The following NALF1 variants were observed in gnomAD, a reference collection of about 807,000 sequenced individuals.
NALF1 encodes family with sequence similarity 155 member A.
In NALF1, 3 loss-of-function variants were observed where a neutral mutation model predicts 48.4. That is an observed-to-expected ratio of 0.06 (90% CI 0.03 to 0.16). The LOEUF (loss-of-function observed/expected upper bound fraction) is 0.16, where lower values mean the gene tolerates loss of function less well. Ranked by LOEUF, NALF1 falls within the 10% of genes least tolerant of loss-of-function variation. The probability of loss-of-function intolerance (pLI) is 1.00; values close to 1 mark genes in which losing one functional copy is unlikely to be tolerated. For missense variants in NALF1, 526 were observed against 571.5 expected (o/e 0.92, Z 0.81); for synonymous variants, 262 against 245.7 (o/e 1.07, Z -0.62).
chr13:107,737,369 A>G (rs76000628), intron 1 of NALF1, among the ~76,000 whole-genome samples: 5 of 152,166 alleles, frequency 3.3e-5, no homozygotes, highest in African/African-American at 4.8e-5. Context: ...TAACATTCCA[A>G]TGTGATGTGG....
At chr13:107,383,620 G>T (rs567174107) in intron 1 of NALF1, among the ~76,000 whole-genome samples, 1 of 152,266 alleles carries the variant, frequency 6.6e-6, no homozygotes, top group African/African-American at 2.4e-5. Context: ...TTCTTGGGAA[G>T]TAATTGATGT....
intron 1 of NALF1, among the ~76,000 whole-genome samples, chr13:107,401,386 C>T (rs1027615236): frequency 6.6e-6 from 1 of 152,104 alleles, no homozygotes; most frequent in Non-Finnish European, 1.5e-5. Flanking sequence ...TCTGATTTGG[C>T]CAACGTGGAA....
chr13:107,258,931 G>T (rs1395453983), intron 1 of NALF1, among the ~76,000 whole-genome samples: 3 of 152,134 alleles, frequency 2.0e-5, no homozygotes, highest in African/African-American at 7.2e-5. Context: ...AGGATGTGTG[G>T]CTCCCTATGA....
rs141088236 is a variant in NALF1, at chr13:107,454,942, G to T, written c.916-244187C>A. ...TAAGTATGAAAATGAAAATGTTTCT[G>T]AAGAATTGATATGGTTCGACTTTGT... On this transcript the variant is annotated intron_variant, in intron 1 of 2. Transcript: ENST00000375915. Among the ~76,000 whole-genome samples, 639 of 152,202 alleles carry T rather than the reference G, an allele frequency of 4.2e-3. 3 individuals carry two copies. Among genetic ancestry groups the T allele is most frequent in the African/African-American group, 0.015 (612 of 41,528 alleles).
chr13:107,186,434 C>T (rs557021268), intron 2 of NALF1, among the ~76,000 whole-genome samples: 1 of 152,144 alleles, frequency 6.6e-6, no homozygotes, highest in South Asian at 2.1e-4. Context: ...GTGGCATGAT[C>T]GCGGCTCACG....
At chr13:107,468,720 G>T (rs967492284) in intron 1 of NALF1, among the ~76,000 whole-genome samples, 17 of 152,200 alleles carry the variant, frequency 1.1e-4, no homozygotes, top group Non-Finnish European at 8.8e-5. Flanking sequence ...GAGTAAGAGA[G>T]GAATCGAATA....
At chr13:107,357,882 T>G (rs1882990457) in intron 1 of NALF1, among the ~76,000 whole-genome samples, 1 of 152,326 alleles carries the variant, frequency 6.6e-6, no homozygotes, top group African/African-American at 2.4e-5. Context: ...CAGGGCTCAC[T>G]GATAATTCAG....
intron 1 of NALF1, among the ~76,000 whole-genome samples, chr13:107,315,109 C>T (rs1882120788): frequency 6.6e-6 from 1 of 152,050 alleles, no homozygotes; most frequent in African/African-American, 2.4e-5. Flanking sequence ...AAAAATATGA[C>T]CTTTTCCCTC....
chr13:107,702,752 T>G (rs1290104570), intron 1 of NALF1, among the ~76,000 whole-genome samples: 2 of 152,162 alleles, frequency 1.3e-5, no homozygotes. Flanking sequence ...TGTGTCCCTG[T>G]GTTCTCATCA....
chr13:107,533,228 T>A (rs997670720), intron 1 of NALF1, among the ~76,000 whole-genome samples: 4 of 152,156 alleles, frequency 2.6e-5, no homozygotes, highest in Non-Finnish European at 5.9e-5. Context: ...TATAGAAATT[T>A]ACACATTTGA....
chr13:107,545,945 A>G (rs1377276368), intron 1 of NALF1, among the ~76,000 whole-genome samples: 1 of 152,090 alleles, frequency 6.6e-6, no homozygotes, highest in Admixed American at 6.5e-5. Context: ...ATCTTAAATG[A>G]TGTTGCATTT....
At chr13:107,201,358 C>T (rs1409871474) in intron 2 of NALF1, among the ~76,000 whole-genome samples, 6 of 152,168 alleles carry the variant, frequency 3.9e-5, no homozygotes, top group East Asian at 1.9e-4. Context: ...GGGCAGATCA[C>T]GAGGTCAGGA....
chr13:107,203,671 T>G (rs1399317813), intron 2 of NALF1, among the ~76,000 whole-genome samples: 2 of 152,136 alleles, frequency 1.3e-5, no homozygotes, highest in African/African-American at 4.8e-5. Context: ...CCTCAGTGGT[T>G]CCCTGGGGCA....
At chr13:107,672,847 C>T (rs1043789935) in intron 1 of NALF1, among the ~76,000 whole-genome samples, 1 of 152,080 alleles carries the variant, frequency 6.6e-6, no homozygotes, top group African/African-American at 2.4e-5. Context: ...TTGTTGTCCC[C>T]AACACGATGC....
intron 1 of NALF1, among the ~76,000 whole-genome samples, chr13:107,770,004 C>T (rs1594255105): frequency 6.6e-6 from 1 of 152,206 alleles, no homozygotes; most frequent in Non-Finnish European, 1.5e-5. Flanking sequence ...GCTCTGTCCC[C>T]TGGGTTCACA....
At chr13:107,674,356 T>G (rs1478443895) in intron 1 of NALF1, among the ~76,000 whole-genome samples, 1 of 152,164 alleles carries the variant, frequency 6.6e-6, no homozygotes, top group Admixed American at 6.5e-5. Context: ...CACTCCAGCC[T>G]CTTTTCCATT....
At chr13:107,249,640 A>G (rs202069637) in intron 1 of NALF1, among the ~76,000 whole-genome samples, 1 of 116,810 alleles carries the variant, frequency 8.6e-6, no homozygotes, top group Non-Finnish European at 1.8e-5. Flanking sequence ...CTATTTCACT[A>G]TGTCATTTTC....
chr13:107,776,418 T>C (rs1042406966), intron 1 of NALF1, among the ~76,000 whole-genome samples: 1 of 152,160 alleles, frequency 6.6e-6, no homozygotes, highest in African/African-American at 2.4e-5. Context: ...TTCTGGCATA[T>C]GGGAAGCTTT....
At chr13:107,232,275 T>G (rs1880242910) in intron 1 of NALF1, among the ~76,000 whole-genome samples, 2 of 152,112 alleles carry the variant, frequency 1.3e-5, no homozygotes, top group Admixed American at 1.3e-4. Flanking sequence ...AAGTTCAAAA[T>G]CAGGGGAACA....
Sources: gnomAD v4.1 joint callset for allele counts (sites outside exome capture counted in the v4.1 genomes callset) on GRCh38, gnomAD v4.1.1 for gene constraint, MANE v1.5 for transcripts, NCBI Gene and HGNC (gene_info 2026-07-23, HGNC 2026-07-21) for gene names.